TG: variants seen among roughly 807,000 people sequenced by gnomAD.
The protein encoded by TG is thyroid hormones.
Under a neutral mutation model 324.7 loss-of-function variants are expected in TG, and 270 were observed. That is an observed-to-expected ratio of 0.83 (90% CI 0.75 to 0.92). TG has a LOEUF of 0.92. Ranked by LOEUF, TG falls within the 40% of genes least tolerant of loss-of-function variation. The pLI is 0.00. For synonymous variants in TG, 1,401 were observed against 1,327.0 expected (o/e 1.06, Z -1.21); for missense variants, 3,591 against 3,456.4 (o/e 1.04, Z -0.98).
intron 41 of TG, chr8:133,094,679 A>G (rs1848143652): frequency 2.8e-6 from 1 of 358,130 alleles, no homozygotes; most frequent in Non-Finnish European, 5.4e-6. Flanking sequence ...AGATGGTTCT[A>G]TCTTTGCAGA....
intron 41 of TG, among the ~76,000 whole-genome samples, chr8:133,079,935 C>G (rs961571629): frequency 7.3e-5 from 11 of 151,376 alleles, no homozygotes; most frequent in Non-Finnish European, 1.5e-4. Flanking sequence ...AAGTTTTGCC[C>G]CCTCTATGGC....
chr8:132,936,343 C>T (rs1378401757), intron 25 of TG, among the ~76,000 whole-genome samples: 1 of 152,208 alleles, frequency 6.6e-6, no homozygotes, highest in East Asian at 1.9e-4. Context: ...TAGAGCTTCT[C>T]CTTCTCCTCA....
At chr8:133,095,670 C>T (rs1006832706) in intron 42 of TG, among the ~76,000 whole-genome samples, 2 of 152,194 alleles carry the variant, frequency 1.3e-5, no homozygotes, top group Non-Finnish European at 2.9e-5. Context: ...CCCTTTATAG[C>T]ATGCAAAGTT....
At chr8:132,960,452 C>G (rs1827572461) in intron 27 of TG, among the ~76,000 whole-genome samples, 2 of 152,124 alleles carry the variant, frequency 1.3e-5, no homozygotes, top group Non-Finnish European at 2.9e-5. Context: ...GTGTGGCAAG[C>G]CTAGTGTCAT....
At chr8:133,021,095 A>G (rs1479472604) in intron 39 of TG, among the ~76,000 whole-genome samples, 1 of 152,126 alleles carries the variant, frequency 6.6e-6, no homozygotes, top group East Asian at 1.9e-4. Flanking sequence ...CAGCTCTGCT[A>G]CCTCCTAGCT....
At chr8:132,901,288 G>T in intron 15 of TG, 65 bp from the exon 16 acceptor site, 1 of 1,594,766 alleles carries the variant, frequency 6.3e-7, no homozygotes, top group Non-Finnish European at 8.6e-7. Flanking sequence ...TGAGGAGGGT[G>T]ATTGGGCATC....
At chr8:133,074,237 G>A (rs1844521548) in intron 41 of TG, among the ~76,000 whole-genome samples, 1 of 152,004 alleles carries the variant, frequency 6.6e-6, no homozygotes, top group Non-Finnish European at 1.5e-5. Context: ...TGCTCAGATT[G>A]TTATTAATTA....
At chr8:132,908,754 G>C (rs982943697) in intron 18 of TG, among the ~76,000 whole-genome samples, 2 of 152,144 alleles carry the variant, frequency 1.3e-5, no homozygotes, top group Non-Finnish European at 2.9e-5. Flanking sequence ...AGCTAAGAGG[G>C]GAAATAAAGC....
rs1267856865 is a variant in TG, at chr8:133,095,439, TC to T, written c.7404+232del. On this transcript the variant is annotated intron_variant, in intron 42 of 47. Transcript: ENST00000220616. Reference sequence around the variant, plus strand: ...GACAGATGCCTCTGCAATTTGTCTTTCTTATTTATAACATGGGAATAGTTAT... The same window carrying T: ...GACAGATGCCTCTGCAATTTGTCTTTTTATTTATAACATGGGAATAGTTAT... 2.0e-5 allele frequency among the ~76,000 whole-genome samples: 3 copies of T among 152,198 alleles called. No individual in the cohort carries two copies. The East Asian group carries it at 5.8e-4, about 29-fold the overall frequency.
chr8:132,890,778 C>T (rs903298497), intron 10 of TG, among the ~76,000 whole-genome samples: 2 of 152,210 alleles, frequency 1.3e-5, no homozygotes, highest in Non-Finnish European at 2.9e-5. Context: ...TGGATTAATA[C>T]AATTGATAGT....
chr8:132,888,853 A>C (rs912849211), intron 10 of TG, among the ~76,000 whole-genome samples: 87 of 152,244 alleles, frequency 5.7e-4, no homozygotes, highest in African/African-American at 2.0e-3. Flanking sequence ...TCTGTGTGCA[A>C]GCATCTTCAT....
At chr8:132,929,220 C>T in intron 23 of TG, 28 bp downstream of exon 23, 5 of 1,546,020 alleles carry the variant, frequency 3.2e-6, no homozygotes, top group Non-Finnish European at 3.6e-6. Context: ...GATATGCACT[C>T]AGAAGAAGGT....
At position 133,006,436 on chromosome 8, in the gene TG, A is replaced by C. The variant is rs370871416; in HGVS notation, c.6263-5465A>C. On this transcript the variant is annotated intron_variant, in intron 35 of 47. Transcript: ENST00000220616. ...CATTTCTCAAGAGAATCTGATGCTC[A>C]CCCAAGTTTGAGAACTACGATGGAC... Among the ~76,000 whole-genome samples, 4 of 152,374 alleles carry C rather than the reference A, an allele frequency of 2.6e-5. No individual in the cohort carries two copies. In the South Asian group the frequency reaches 6.2e-4, roughly 24 times the overall value.
At chr8:132,983,479 C>A (rs1564036689) in intron 35 of TG, 67 bp downstream of exon 35, 2 of 1,500,762 alleles carry the variant, frequency 1.3e-6, no homozygotes, top group Non-Finnish European at 1.9e-6. Flanking sequence ...TCTCCTCTTC[C>A]CCCTTGCTTT....
chr8:133,046,049 C>T (rs560258498), intron 41 of TG, among the ~76,000 whole-genome samples: 2 of 152,256 alleles, frequency 1.3e-5, no homozygotes, highest in African/African-American at 2.4e-5. Context: ...CCTTAAGCCT[C>T]GTTAGAGCAA....
chr8:132,990,960 G>C (rs547482099), intron 35 of TG, among the ~76,000 whole-genome samples: 4 of 151,166 alleles, frequency 2.6e-5, no homozygotes, highest in Non-Finnish European at 5.9e-5. Context: ...CTACCAACAG[G>C]GGTGTTAGGA....
chr8:132,984,031 C>T (rs1259833837), intron 35 of TG, among the ~76,000 whole-genome samples: 1 of 152,190 alleles, frequency 6.6e-6, no homozygotes, highest in African/African-American at 2.4e-5. Context: ...TCTGGATGCT[C>T]TAGATGGGGG....
At chr8:132,998,750 A>G (rs554843879) in intron 35 of TG, among the ~76,000 whole-genome samples, 24 of 152,300 alleles carry the variant, frequency 1.6e-4, no homozygotes, top group Middle Eastern at 6.8e-3. Context: ...GAAAACTACA[A>G]TTTAAATGGT....
At chr8:132,888,630 T>G in intron 10 of TG, 62 bp downstream of exon 10, 1 of 1,446,428 alleles carries the variant, frequency 6.9e-7, no homozygotes, top group Non-Finnish European at 9.3e-7. Flanking sequence ...TGTATGTGTG[T>G]TTAACATATA....
Sources: allele counts gnomAD v4.1 joint callset (sites outside exome capture counted in the v4.1 genomes callset), GRCh38; gene constraint gnomAD v4.1.1; transcripts MANE v1.5; gene names NCBI Gene and HGNC (gene_info 2026-07-23, HGNC 2026-07-21).